POGZ: variants seen among roughly 807,000 people sequenced by gnomAD.
POGZ encodes pogo transposable element with ZNF domain.
In POGZ, 17 loss-of-function variants were observed where a neutral mutation model predicts 134.6. The ratio of observed to expected loss-of-function variants is 0.13; its 90% confidence interval spans 0.09 to 0.19. The LOEUF is 0.19. POGZ is among the 10% of genes least tolerant of loss of function. The pLI is 1.00. For synonymous variants in POGZ, 693 were observed against 657.1 expected, an observed-to-expected ratio of 1.05 and a Z score of -0.84; for missense variants, 1,306 against 1,769.7, an observed-to-expected ratio of 0.74 and a Z score of 4.70.
At chr1:151,425,348 CA>C (rs1265218769) in intron 7 of POGZ, 1 of 252,166 alleles carries the variant, frequency 4.0e-6, no homozygotes, top group Non-Finnish European at 7.9e-6. Context: ...AACTCTAGGC[CA>C]GGGGTCAGCA....
chr1:151,451,475 C>G (rs572806037), intron 1 of POGZ, among the ~76,000 whole-genome samples: 1 of 151,622 alleles, frequency 6.6e-6, no homozygotes, highest in African/African-American at 2.4e-5. Context: ...TACAGGCATG[C>G]GTTACCATGC....
intron 4 of POGZ, 24 bp downstream of exon 4, chr1:151,430,642 C>G: frequency 6.3e-7 from 1 of 1,581,344 alleles, no homozygotes; most frequent in Non-Finnish European, 8.6e-7. Context: ...CTCTAGCAAC[C>G]TTGGAATTCA....
chr1:151,432,864 T>C (rs2102319051), intron 3 of POGZ, among the ~76,000 whole-genome samples: 1 of 152,338 alleles, frequency 6.6e-6, no homozygotes, highest in Admixed American at 6.5e-5. Context: ...TCAAATTTAC[T>C]TGTATTTTTT....
intron 1 of POGZ, chr1:151,451,124 A>G (rs1662008947): frequency 6.6e-6 from 1 of 152,158 alleles, no homozygotes; most frequent in East Asian, 1.9e-4. Flanking sequence ...CAGGAGGCTG[A>G]GACAGGAGAC....
In POGZ at chr1:151,403,688, G is replaced by GTAT; in HGVS notation, c.*1111_*1113dup. ...TTCTTCCTGTCAGATTCTTCCCTAAGTATTAAGAGAAATAGGGGAAAGCCA... is the reference window on the plus strand; with the variant it reads ...TTCTTCCTGTCAGATTCTTCCCTAAGTATTATTAAGAGAAATAGGGGAAAGCCA... On this transcript the variant is annotated 3_prime_UTR_variant, in exon 19 of 19. Transcript: ENST00000271715. The GTAT allele has an allele frequency of 1.0e-6, 1 of 985,610 alleles. No homozygotes were observed. Among genetic ancestry groups the GTAT allele is most frequent in the East Asian group, 1.1e-4 (1 of 8,824 alleles). 61.1% of individuals were successfully genotyped at this position (985,610 alleles called of 1,614,324 possible).
chr1:151,433,479 A>G (rs1659057363), intron 3 of POGZ, among the ~76,000 whole-genome samples: 1 of 151,946 alleles, frequency 6.6e-6, no homozygotes, highest in Non-Finnish European at 1.5e-5. Context: ...GTAGTGGCGC[A>G]TGCCTGTAAT....
Position 151,428,356 on chromosome 1 carries a change from A to T in POGZ, c.626T>A (p.Met209Lys). The T allele has an allele frequency of 1.2e-6, 2 of 1,613,814 alleles. No homozygotes were observed. Among genetic ancestry groups the T allele is most frequent in the Non-Finnish European group, 1.7e-6 (2 of 1,179,666 alleles). Reference protein sequence around the residue: ...TVGVPQVFSQMTPVRPGSTMP... With the variant: ...TVGVPQVFSQKTPVRPGSTMP... ...TGTGGAGCCTGGCCTCACAGGGGTC[A>T]TCTGGGAGAACACTTGTGGAACTCC... Residue 209 changes from methionine to lysine, a missense_variant, in exon 6 of 19, where the codon ATG becomes AAG. Around this residue, in one of 10 missense-constraint regions of POGZ, gnomAD observed 541 missense variants for 680.5 expected, o/e 0.80. Coordinates refer to ENST00000271715, the MANE Select transcript of POGZ (RefSeq NM_015100.4).
intron 1 of POGZ, among the ~76,000 whole-genome samples, chr1:151,449,444 T>C (rs1292338796): frequency 5.3e-5 from 8 of 151,990 alleles, no homozygotes; most frequent in Admixed American, 6.6e-5. Context: ...CATCCTACAA[T>C]GCATAGGATA....
rs116102388 is a variant in POGZ at position 151,425,265 on chromosome 1, G to A, written c.1079-204C>T. 3,081 of 426,908 alleles carry A rather than the reference G, an allele frequency of 7.2e-3. 79 individuals are homozygous for A. Among genetic ancestry groups the A allele is most frequent in the African/African-American group, 0.057 (2,834 of 49,358 alleles). The allele number at this position is 426,908 out of a possible 1,614,324, so 26.4% of individuals were successfully genotyped here. ...TGCCCAGGCTGGAGTGCAGTGGCACGACCACAGCTCACTGCAGCCTTGACC... is the reference window on the plus strand; with the variant it reads ...TGCCCAGGCTGGAGTGCAGTGGCACAACCACAGCTCACTGCAGCCTTGACC... On this transcript the variant is annotated intron_variant, in intron 7 of 18. Coordinates refer to ENST00000271715, the MANE Select transcript of POGZ (RefSeq NM_015100.4).
chr1:151,458,947 C>T (rs1237852273), intron 1 of POGZ, among the ~76,000 whole-genome samples: 2 of 144,854 alleles, frequency 1.4e-5, no homozygotes, highest in East Asian at 4.1e-4. Flanking sequence ...TCGCGCGCCG[C>T]ACCCCGCGGC....
intron 1 of POGZ, among the ~76,000 whole-genome samples, chr1:151,450,012 T>G (rs929247847): frequency 6.7e-6 from 1 of 149,384 alleles, no homozygotes; most frequent in Admixed American, 6.8e-5. Context: ...ATCACCTACC[T>G]GTGAAACTTG....
Position 151,408,204 on chromosome 1 carries a change from G to A in POGZ, c.2271C>T (p.Ser757=). 1 of 1,613,456 alleles carries A rather than the reference G, an allele frequency of 6.2e-7. No homozygotes were observed. The highest frequency in any genetic ancestry group is 8.5e-7 in the Non-Finnish European group (1 of 1,179,748). The change falls in exon 15 of 19, where the codon AGC becomes AGT. Residue 757 remains serine (S), a synonymous_variant. Coordinates refer to ENST00000271715, the MANE Select transcript of POGZ (RefSeq NM_015100.4). The part of the protein sequence containing the change: ...VMGRQTCLEC[S]FEIPDFPNHF... The stretch of plus-strand genomic sequence containing the variant: ...GATTAGGGAAGTCTGGGATCTCGAA[G>A]CTGCACTCCAGGCATGTCTGCCGGC...
chr1:151,403,385 C>G lies in POGZ; in HGVS notation c.*1417G>C, dbSNP rs927241204. 3.0e-6 allele frequency: 3 copies of G among 985,206 alleles called. No homozygotes were observed. The highest frequency in any genetic ancestry group is 3.6e-6 in the Non-Finnish European group (3 of 829,506). The allele number at this position is 985,206 out of a possible 1,614,324, so 61.0% of individuals were successfully genotyped here. ...ATTTCCCCTCATTTTATTAAATGTT[C>G]CACTTATGTACATTTTAAAGACGAA... On this transcript the variant is annotated 3_prime_UTR_variant, in exon 19 of 19. Coordinates refer to ENST00000271715, the MANE Select transcript of POGZ (RefSeq NM_015100.4).
At position 151,424,179 on chromosome 1, in the gene POGZ, A is replaced by G; in HGVS notation, c.1293T>C (p.Pro431=). 1 of 1,614,054 alleles carries G rather than the reference A, an allele frequency of 6.2e-7. No homozygotes were observed. The change falls in exon 9 of 19, where the codon CCT becomes CCC. Residue 431 remains proline (P), a synonymous_variant. Transcript: ENST00000271715. ...AKPPSPEKTA[P]VASTPSSTPI... ...GTGTAGAAGAGGGTGTGGAAGCAAC[A>G]GGAGCTGTTTTCTCAGGGGATGGGG...
At chr1:151,420,602 C>T (rs980725412) in intron 10 of POGZ, among the ~76,000 whole-genome samples, 1 of 152,126 alleles carries the variant, frequency 6.6e-6, no homozygotes, top group South Asian at 2.1e-4. Context: ...TGAACCACTG[C>T]ACCTGGCCCG....
chr1:151,439,877 G>C (rs1485249942), intron 3 of POGZ, among the ~76,000 whole-genome samples: 2 of 152,130 alleles, frequency 1.3e-5, no homozygotes, highest in African/African-American at 4.8e-5. Context: ...AGATAGGAAT[G>C]TTCACTGAAG....
chr1:151,410,669 C>T (rs1258095543), intron 12 of POGZ, among the ~76,000 whole-genome samples: 1 of 152,182 alleles, frequency 6.6e-6, no homozygotes, highest in African/African-American at 2.4e-5. Context: ...TTTTCTACAA[C>T]CCAGAGTTCT....
At position 151,404,222 on chromosome 1, in the gene POGZ, T is replaced by G; in HGVS notation, c.*580A>C. ...AGAGAGAGTTCAGTGGGACTTTTTT[T>G]CCATTTTCATTTTTATATAAAAGTG... On this transcript the variant is annotated 3_prime_UTR_variant, in exon 19 of 19. Transcript: ENST00000271715. 1 of 985,524 alleles carries G rather than the reference T, an allele frequency of 1.0e-6. No homozygotes were observed. The highest frequency in any genetic ancestry group is 1.2e-6 in the Non-Finnish European group (1 of 829,650). The allele number at this position is 985,524 out of a possible 1,614,324, so 61.0% of individuals were successfully genotyped here. A position where few individuals can be genotyped will look rare whatever the true frequency, so the allele number is the denominator to read the frequency against.
chr1:151,430,545 C>G (rs890614194), intron 4 of POGZ, 121 bp downstream of exon 4: 3 of 690,538 alleles, frequency 4.3e-6, no homozygotes, highest in Non-Finnish European at 7.1e-6. Flanking sequence ...AAAGAGAAAG[C>G]CAGGTCAAAA....
Sources: allele counts gnomAD v4.1 joint callset (sites outside exome capture counted in the v4.1 genomes callset), GRCh38; gene constraint gnomAD v4.1.1; regional missense constraint gnomAD v4.1.1; transcripts MANE v1.5; gene names NCBI Gene and HGNC (gene_info 2026-07-23, HGNC 2026-07-21).